Variants in PEX2 observed in about 807,000 individuals in gnomAD.
The protein encoded by PEX2 is peroxisomal biogenesis factor 2.
In PEX2, 19 loss-of-function variants were observed where a neutral mutation model predicts 25.2. The ratio of observed to expected loss-of-function variants is 0.75; its 90% confidence interval spans 0.53 to 1.10. PEX2 has a LOEUF of 1.10. Ranked by LOEUF, PEX2 falls within the 50% of genes least tolerant of loss-of-function variation. PEX2 has a pLI of 0.00. For synonymous variants in PEX2, 141 were observed against 127.7 expected (o/e 1.10, Z -0.70); for missense variants, 347 against 350.6 (o/e 0.99, Z 0.08).
Position 76,983,472 on chromosome 8 carries a change from G to A in PEX2, c.707C>T (p.Thr236Ile). 1.2e-6 allele frequency: 2 copies of A among 1,614,072 alleles called. No homozygotes were observed. The highest frequency in any genetic ancestry group is 1.7e-6 in the Non-Finnish European group (2 of 1,179,946). ...PLTGAPNSDN[T>I]LATSGKECAL... Reference sequence around the variant, plus strand: ...GCATTCTTTGCCACTGGTGGCTAATGTATTGTCACTATTAGGTGCACCAGT... The same window carrying A: ...GCATTCTTTGCCACTGGTGGCTAATATATTGTCACTATTAGGTGCACCAGT... The change falls in exon 4 of 4, where the codon ACA becomes ATA. Residue 236 changes from threonine to isoleucine, a missense_variant. Thr to Ile is a moderately conservative substitution (Grantham distance 89). Coordinates refer to ENST00000357039, the MANE Select transcript of PEX2 (RefSeq NM_000318.3).
At chr8:76,992,277 T>A (rs1318362773) in intron 1 of PEX2, among the ~76,000 whole-genome samples, 2 of 152,210 alleles carry the variant, frequency 1.3e-5, no homozygotes, top group Non-Finnish European at 2.9e-5. Flanking sequence ...GTGCCTGTTA[T>A]CTTGAAGTAA....
At chr8:76,989,096 T>C (rs1368139586) in intron 1 of PEX2, among the ~76,000 whole-genome samples, 2 of 151,766 alleles carry the variant, frequency 1.3e-5, no homozygotes, top group East Asian at 1.9e-4. Flanking sequence ...GGAGAGTTGC[T>C]TGAGTCCAGG....
chr8:76,984,216 AG>A (rs771270718), intron 3 of PEX2, 21 bp from the exon 4 acceptor site: 8 of 1,596,650 alleles, frequency 5.0e-6, no homozygotes, highest in Non-Finnish European at 2.6e-6. Context: ...ATACAATTGA[AG>A]AACATTAGCA....
rs1255789417 is a variant in PEX2, at chr8:76,980,901, C to A, written c.*2360G>T. ...GTGGCACATTGCCCTAGGTTATACA[C>A]AAGTGGGATTTGAATTCTAGCGGAA... is the stretch of plus-strand genomic sequence containing the variant. On this transcript the variant is annotated 3_prime_UTR_variant, in exon 4 of 4. Transcript: ENST00000357039. 1.3e-5 allele frequency: 2 copies of A among 152,214 alleles called. No individual in the cohort carries two copies. Among genetic ancestry groups the A allele is most frequent in the Admixed American group, 6.5e-5 (1 of 15,288 alleles). 9.4% of individuals were successfully genotyped at this position (152,214 alleles called of 1,614,324 possible).
In PEX2 at chr8:76,983,395, T is replaced by C. The variant is rs1806895422; in HGVS notation, c.784A>G (p.Ile262Val). ...TMPHTIGCEH[I>V]FCYFCAKSSF... is the part of the protein sequence containing the mutation. ...CTCTTAGCACAGAAATAACAGAAAA[T>C]ATGCTCACATCCTATGGTGTGAGGC... Residue 262 changes from isoleucine (I) to valine (V), a missense_variant, in exon 4 of 4, where the codon ATT becomes GTT. Ile to Val is a conservative substitution (Grantham distance 29, BLOSUM62 3). Coordinates refer to ENST00000357039, the MANE Select transcript of PEX2 (RefSeq NM_000318.3). The C allele has an allele frequency of 3.1e-6, 5 of 1,613,932 alleles. No homozygotes were observed. The highest frequency in any genetic ancestry group is 4.2e-6 in the Non-Finnish European group (5 of 1,179,976).
chr8:76,998,892 T>G (rs1261803078), intron 1 of PEX2, among the ~76,000 whole-genome samples: 1 of 152,066 alleles, frequency 6.6e-6, no homozygotes, highest in Non-Finnish European at 1.5e-5. Context: ...AATCCAACTG[T>G]CTTGATTTAG....
intron 1 of PEX2, among the ~76,000 whole-genome samples, chr8:76,995,726 T>C (rs1170346761): frequency 6.6e-6 from 1 of 152,208 alleles, no homozygotes; most frequent in Non-Finnish European, 1.5e-5. Flanking sequence ...TATTTTTTTC[T>C]TTCAGAAACC....
At position 76,983,295 on chromosome 8, in the gene PEX2, G is replaced by A; in HGVS notation, c.884C>T (p.Ser295Leu). ...ATTTACTTCTGACATCTCGATTCCT[G>A]ATTTCAGTGGCTGCAGACTGTGTAC... ...TEVHSLQPLKSGIEMSEVNAL is the reference protein window; with the variant it reads ...TEVHSLQPLKLGIEMSEVNAL The change falls in exon 4 of 4, where the codon TCA becomes TTA. Residue 295 changes from serine (S) to leucine (L), a missense_variant. Coordinates refer to ENST00000357039, the MANE Select transcript of PEX2 (RefSeq NM_000318.3). The A allele has an allele frequency of 6.2e-7, 1 of 1,613,784 alleles. No individual in the cohort carries two copies. The highest frequency in any genetic ancestry group is 8.5e-7 in the Non-Finnish European group (1 of 1,180,036).
intron 1 of PEX2, among the ~76,000 whole-genome samples, chr8:76,989,546 TA>T (rs1242289204): frequency 2.6e-5 from 4 of 152,044 alleles, no homozygotes; most frequent in Admixed American, 6.6e-5. Flanking sequence ...AAAAAAAATA[TA>T]AAAGTCAAAA....
At chr8:76,996,053 G>A (rs1807319404) in intron 1 of PEX2, among the ~76,000 whole-genome samples, 1 of 152,160 alleles carries the variant, frequency 6.6e-6, no homozygotes, top group South Asian at 2.1e-4. Context: ...TACAGGACAT[G>A]AGGAAAATAG....
upstream of PEX2, chr8:77,000,360 T>TGAGGACACGACTAGTGTC: frequency 6.6e-6 from 1 of 151,204 alleles, no homozygotes; most frequent in Non-Finnish European, 1.4e-5. Flanking sequence ...GGGCCGCAAG[T>TGAGGACACGACTAGTGTC]GAGGACACTA....
intron 2 of PEX2, among the ~76,000 whole-genome samples, chr8:76,987,699 T>C (rs1203643900): frequency 6.6e-6 from 1 of 152,040 alleles, no homozygotes; most frequent in East Asian, 1.9e-4. Context: ...TAGAAAAGTA[T>C]CAATGGGGAC....
Position 76,982,754 on chromosome 8 carries a change from A to G in PEX2, c.*507T>C, listed in dbSNP as rs1806875081. 6.2e-6 allele frequency: 1 copy of G among 161,348 alleles called. No individual in the cohort carries two copies. Among genetic ancestry groups the G allele is most frequent in the Non-Finnish European group, 1.3e-5 (1 of 74,588 alleles). The allele number at this position is 161,348 out of a possible 1,614,324, so 10.0% of individuals were successfully genotyped here. ...AACCCGGGAGGCGGACGTTGCAGTG[A>G]GCAGAGATCGCGCCACTGCACTCCA... On this transcript the variant is annotated 3_prime_UTR_variant, in exon 4 of 4. Coordinates refer to ENST00000357039, the MANE Select transcript of PEX2 (RefSeq NM_000318.3).
chr8:76,997,268 C>G (rs1010183898), intron 1 of PEX2, among the ~76,000 whole-genome samples: 4 of 152,278 alleles, frequency 2.6e-5, no homozygotes, highest in African/African-American at 7.2e-5. Flanking sequence ...TTAACTATTA[C>G]GAACACATAC....
At chr8:77,000,756 G>A (rs529658757), upstream of PEX2, 1 of 152,338 alleles carries the variant, frequency 6.6e-6, no homozygotes, top group African/African-American at 2.4e-5. Context: ...CCTGGCCTGA[G>A]GTTTCCCGCC....
chr8:76,991,979 T>C (rs1807184063), intron 1 of PEX2, among the ~76,000 whole-genome samples: 1 of 152,194 alleles, frequency 6.6e-6, no homozygotes, highest in Non-Finnish European at 1.5e-5. Context: ...CCTTCACTGT[T>C]AGTTATAGTA....
At chr8:76,998,868 A>G (rs1042251363) in intron 1 of PEX2, among the ~76,000 whole-genome samples, 8 of 152,224 alleles carry the variant, frequency 5.3e-5, no homozygotes, top group African/African-American at 1.9e-4. Flanking sequence ...AAAGGCAACT[A>G]GAGTCAGGAC....
Position 76,983,014 on chromosome 8 carries a change from T to C in PEX2, c.*247A>G. 9.5e-7 allele frequency: 1 copy of C among 1,053,842 alleles called. No individual in the cohort carries two copies. The highest frequency in any genetic ancestry group is 1.3e-6 in the Non-Finnish European group (1 of 781,212). The allele number at this position is 1,053,842 out of a possible 1,614,324, so 65.3% of individuals were successfully genotyped here. On this transcript the variant is annotated 3_prime_UTR_variant, in exon 4 of 4. Coordinates refer to ENST00000357039, the MANE Select transcript of PEX2 (RefSeq NM_000318.3). ...TTGTTAGTAGTCACCTGACAAAAGC[T>C]GTCCATTATTCTTGACATTAAAAAT...
At chr8:76,993,725 C>G (rs183529102) in intron 1 of PEX2, among the ~76,000 whole-genome samples, 47 of 152,196 alleles carry the variant, frequency 3.1e-4, no homozygotes, top group Admixed American at 3.9e-4. Context: ...AAATTTAATT[C>G]TAATAGATTT....
Sources: gnomAD v4.1 joint callset for allele counts (sites outside exome capture counted in the v4.1 genomes callset) on GRCh38, gnomAD v4.1.1 for gene constraint, MANE v1.5 for transcripts, NCBI Gene and HGNC (gene_info 2026-07-23, HGNC 2026-07-21) for gene names.